Variants in PBX3 observed in about 807,000 individuals in gnomAD.
PBX3 encodes the protein pre-B-cell leukemia transcription factor 3.
In PBX3, 14 loss-of-function variants were observed where a neutral mutation model predicts 48.5. That is an observed-to-expected ratio of 0.29 (90% confidence interval 0.19 to 0.45). PBX3 has a LOEUF of 0.45. Among genes scored for constraint, PBX3 ranks in the 20% least tolerant of loss-of-function variants. The probability of loss-of-function intolerance (pLI) is 1.00; values close to 1 mark genes in which losing one functional copy is unlikely to be tolerated. For missense variants in PBX3, 386 were observed against 546.7 expected (o/e 0.71, Z 2.93); for synonymous variants, 210 against 200.3 (o/e 1.05, Z -0.41).
chr9:125,924,703 T>C (rs1841532850), intron 3 of PBX3, among the ~76,000 whole-genome samples: 1 of 152,218 alleles, frequency 6.6e-6, no homozygotes, highest in African/African-American at 2.4e-5. Flanking sequence ...TATCAAAATA[T>C]CGTATTTATG....
intron 2 of PBX3, among the ~76,000 whole-genome samples, chr9:125,793,443 T>C (rs1349326210): frequency 6.7e-6 from 1 of 149,790 alleles, no homozygotes; most frequent in African/African-American, 2.5e-5. Context: ...CCTTTTTTTT[T>C]GGTTGACATG....
intron 4 of PBX3, 74 bp from the exon 5 acceptor site, chr9:125,935,395 TATC>T (rs1841813758): frequency 4.7e-6 from 6 of 1,273,500 alleles, no homozygotes; most frequent in South Asian, 2.7e-5. Context: ...ACTTTTTTGG[TATC>T]ATCCTAATTA....
intron 2 of PBX3, among the ~76,000 whole-genome samples, chr9:125,755,672 G>GTGTTTTTTT (rs1836494842): frequency 1.1e-5 from 1 of 95,232 alleles, no homozygotes. Flanking sequence ...GAGGAGCTTT[G>GTGTTTTTTT]TTTTTTTTTT....
At chr9:125,919,540 A>G (rs183519677) in intron 3 of PBX3, among the ~76,000 whole-genome samples, 7 of 152,142 alleles carry the variant, frequency 4.6e-5, no homozygotes, top group Admixed American at 6.5e-5. Flanking sequence ...TCCAGAAATT[A>G]TATTTTTCCT....
intron 3 of PBX3, among the ~76,000 whole-genome samples, chr9:125,925,185 T>C (rs1204360549): frequency 1.3e-5 from 2 of 152,234 alleles, no homozygotes; most frequent in Non-Finnish European, 2.9e-5. Flanking sequence ...TGTGTGAATG[T>C]ATGGTGGTGA....
At chr9:125,876,268 A>G (rs1840245205) in intron 2 of PBX3, among the ~76,000 whole-genome samples, 1 of 152,254 alleles carries the variant, frequency 6.6e-6, no homozygotes. Context: ...ATTAAAGAAT[A>G]TAACAATATT....
intron 5 of PBX3, among the ~76,000 whole-genome samples, chr9:125,941,868 C>T (rs1472284801): frequency 6.6e-6 from 1 of 152,162 alleles, no homozygotes; most frequent in Non-Finnish European, 1.5e-5. Flanking sequence ...CATCGTTCTC[C>T]TAATTCCAAT....
intron 2 of PBX3, among the ~76,000 whole-genome samples, chr9:125,851,032 G>A (rs1027985250): frequency 6.6e-6 from 1 of 152,032 alleles, no homozygotes; most frequent in Non-Finnish European, 1.5e-5. Flanking sequence ...AACTTGATAG[G>A]TTTAATGAAG....
intron 2 of PBX3, among the ~76,000 whole-genome samples, chr9:125,788,512 A>G (rs1226157644): frequency 6.6e-6 from 1 of 152,234 alleles, no homozygotes; most frequent in African/African-American, 2.4e-5. Context: ...ATATAAAAGC[A>G]TAGATAAAAT....
At chr9:125,747,720 C>T (rs1271472359) in intron 1 of PBX3, 67 bp downstream of exon 1, 3 of 1,274,744 alleles carry the variant, frequency 2.4e-6, no homozygotes, top group African/African-American at 1.6e-5. Context: ...CGAGTCGAGG[C>T]CCGGGGTGGC....
chr9:125,875,828 A>T (rs1233667656), intron 2 of PBX3, among the ~76,000 whole-genome samples: 3 of 152,152 alleles, frequency 2.0e-5, no homozygotes, highest in Admixed American at 2.0e-4. Flanking sequence ...ACCACCATTT[A>T]TTGTGTACTA....
At chr9:125,859,506 A>C (rs1328147663) in intron 2 of PBX3, among the ~76,000 whole-genome samples, 2 of 152,224 alleles carry the variant, frequency 1.3e-5, no homozygotes, top group Non-Finnish European at 2.9e-5. Context: ...TTGTCTTCTT[A>C]GAATAGCCTT....
intron 8 of PBX3, among the ~76,000 whole-genome samples, chr9:125,964,912 C>T (rs1204177877): frequency 2.0e-5 from 3 of 152,088 alleles, no homozygotes; most frequent in African/African-American, 7.2e-5. Context: ...GTAGGAGGTC[C>T]GGGTCTGGGG....
At chr9:125,837,647 A>C (rs1839175202) in intron 2 of PBX3, among the ~76,000 whole-genome samples, 1 of 152,098 alleles carries the variant, frequency 6.6e-6, no homozygotes, top group Non-Finnish European at 1.5e-5. Flanking sequence ...TTATTTTCCT[A>C]AACAGCAAAG....
intron 2 of PBX3, among the ~76,000 whole-genome samples, chr9:125,914,968 C>G (rs1050783093): frequency 1.1e-4 from 17 of 152,174 alleles, no homozygotes; most frequent in Non-Finnish European, 2.1e-4. Flanking sequence ...GATTTAAAAG[C>G]AAAATTAGAT....
chr9:125,791,104 C>T (rs1025858610), intron 2 of PBX3, among the ~76,000 whole-genome samples: 21 of 151,900 alleles, frequency 1.4e-4, no homozygotes, highest in African/African-American at 4.1e-4. Context: ...TTAGTAGAGA[C>T]GGGGATTTGC....
chr9:125,932,440 A>C (rs370066379), intron 4 of PBX3, among the ~76,000 whole-genome samples: 1 of 152,328 alleles, frequency 6.6e-6, no homozygotes, highest in African/African-American at 2.4e-5. Context: ...ATTGAAAGCA[A>C]CAGCCAAGAC....
rs144355615 is a variant in PBX3 at position 125,941,472 on chromosome 9, G to A, written c.843+5865G>A. Among the ~76,000 whole-genome samples the A allele has an allele frequency of 4.6e-5, 7 of 152,318 alleles. No homozygotes were observed. The East Asian group carries it at 1.3e-3, about 29-fold the overall frequency. ...ACCCTGGGAGGCAAGGGAAAGCAGA[G>A]CTATCAGTTGGGGTACACTTGAGTG... On this transcript the variant is annotated intron_variant, in intron 5 of 8. Transcript: ENST00000373489.
In PBX3 at chr9:125,915,674, C is replaced by T. The variant is rs754815793; in HGVS notation, c.275-12C>T. The T allele has an allele frequency of 5.6e-6, 9 of 1,593,346 alleles. No homozygotes were observed. In the African/African-American group the frequency reaches 1.1e-4, roughly 19 times the overall value. On this transcript the variant is annotated splice_polypyrimidine_tract_variant and intron_variant, in intron 2 of 8. Transcript: ENST00000373489. ...TTCTTCTCTCTCTGTCTCTCTCTCT[C>T]TTTCCTTGAAGGTCTCAGCATCAGA...
Sources: gnomAD v4.1 joint callset for allele counts (sites outside exome capture counted in the v4.1 genomes callset) on GRCh38, gnomAD v4.1.1 for gene constraint, MANE v1.5 for transcripts, NCBI Gene and HGNC (gene_info 2026-07-23, HGNC 2026-07-21) for gene names.